Variants in PDE1A observed in about 807,000 individuals in gnomAD.
The protein encoded by PDE1A is phosphodiesterase 1A, also known as dual specificity calcium/calmodulin-dependent 3',5'-cyclic nucleotide phosphodiesterase 1A.
A neutral mutation model predicts 61.7 loss-of-function variants in PDE1A; 35 were observed. The observed-to-expected ratio is 0.57, with a 90% confidence interval of 0.43 to 0.75. The LOEUF (loss-of-function observed/expected upper bound fraction) is 0.75, where lower values mean the gene tolerates loss of function less well. Among genes scored for constraint, PDE1A ranks in the 30% least tolerant of loss-of-function variants. PDE1A has a pLI of 0.00. For synonymous variants in PDE1A, 232 were observed against 213.2 expected (o/e 1.09, Z -0.77); for missense variants, 597 against 630.6 (o/e 0.95, Z 0.57).
At chr2:182,571,505 A>G in the PDE1A span, among the ~76,000 whole-genome samples, 1 of 152,094 alleles carries the variant, frequency 6.6e-6, no homozygotes, top group African/African-American at 2.4e-5. Flanking sequence ...GTCATGAATT[A>G]TAAGGAAGCT....
the PDE1A span, among the ~76,000 whole-genome samples, chr2:182,606,392 C>A: frequency 6.6e-6 from 1 of 152,198 alleles, no homozygotes; most frequent in African/African-American, 2.4e-5. Context: ...GTTGGCCAGG[C>A]TGTTCTCGAA....
At chr2:182,299,717 T>C (rs546067937) in intron 1 of PDE1A, among the ~76,000 whole-genome samples, 15 of 152,040 alleles carry the variant, frequency 9.9e-5, no homozygotes, top group African/African-American at 1.4e-4. Context: ...GCTGAAATGA[T>C]AAATTTTTTT....
chr2:182,566,496 TAATATA>T, the PDE1A span, among the ~76,000 whole-genome samples: 1 of 151,160 alleles, frequency 6.6e-6, no homozygotes, highest in East Asian at 1.9e-4. Context: ...ATGCTATGCA[TAATATA>T]AATTATATAA....
chr2:182,454,665 G>C (rs930120750), intron 2 of PDE1A, among the ~76,000 whole-genome samples: 2 of 151,552 alleles, frequency 1.3e-5, no homozygotes, highest in African/African-American at 2.4e-5. Context: ...ACAAGCAATG[G>C]GGAAAGGATT....
intron 1 of PDE1A, among the ~76,000 whole-genome samples, chr2:182,315,975 C>G (rs1696315146): frequency 6.6e-6 from 1 of 152,166 alleles, no homozygotes; most frequent in Non-Finnish European, 1.5e-5. Context: ...AGTGGCTTTA[C>G]AAGCAATAAA....
At chr2:182,322,022 G>C (rs1696727465) in intron 1 of PDE1A, among the ~76,000 whole-genome samples, 1 of 152,118 alleles carries the variant, frequency 6.6e-6, no homozygotes, top group Non-Finnish European at 1.5e-5. Flanking sequence ...GTGGTGTTCT[G>C]TCCCTAATCG....
chr2:182,461,525 C>G (rs1382227511), intron 2 of PDE1A, among the ~76,000 whole-genome samples: 1 of 152,030 alleles, frequency 6.6e-6, no homozygotes. Flanking sequence ...CAAAATATCC[C>G]ATCATTATTA....
the PDE1A span, among the ~76,000 whole-genome samples, chr2:182,576,166 C>G: frequency 6.6e-6 from 1 of 151,952 alleles, no homozygotes; most frequent in Non-Finnish European, 1.5e-5. Flanking sequence ...GTCTACAGAA[C>G]TCTTTTCATC....
chr2:182,217,507 G>T (rs1368767392), intron 7 of PDE1A, among the ~76,000 whole-genome samples: 2 of 125,246 alleles, frequency 1.6e-5, no homozygotes, highest in Admixed American at 8.0e-5. Flanking sequence ...GAAAATTTTC[G>T]CAACCTACTC....
In PDE1A at chr2:182,265,001, C is replaced by T. The variant is rs532819498; in HGVS notation, c.54-587G>A. On this transcript the variant is annotated intron_variant, in intron 1 of 13. Transcript: ENST00000351439. Reference sequence around the variant, plus strand: ...GGCCATTATTCTAAGTTAGGTGACTCAGGAATGGAAAGCCAAATATAGTAT... The same window carrying T: ...GGCCATTATTCTAAGTTAGGTGACTTAGGAATGGAAAGCCAAATATAGTAT... Among the ~76,000 whole-genome samples, 360 of 150,930 alleles carry T rather than the reference C, an allele frequency of 2.4e-3. 1 individual carries two copies. The highest frequency in any genetic ancestry group is 8.5e-3 in the African/African-American group (349 of 41,106).
the PDE1A span, among the ~76,000 whole-genome samples, chr2:182,608,800 G>C: frequency 6.6e-6 from 1 of 152,254 alleles, no homozygotes; most frequent in Non-Finnish European, 1.5e-5. Flanking sequence ...GCGCGGGACT[G>C]GCAGGCAGCT....
intron 1 of PDE1A, among the ~76,000 whole-genome samples, chr2:182,307,711 C>CA (rs542352164): frequency 0.011 from 1,646 of 150,868 alleles, 26 homozygotes; most frequent in South Asian, 0.074. Flanking sequence ...CCATCTCTAC[C>CA]AAAAAAAAAT....
rs907179460 is a variant in PDE1A at position 182,186,009 on chromosome 2, C to T, written c.1399G>A (p.Asp467Asn). The change falls in exon 13 of 14, where the codon GAT becomes AAT. Residue 467 changes from aspartate to asparagine, a missense_variant. By Grantham distance (23) the Asp-to-Asn change is conservative (BLOSUM62 1). Coordinates refer to ENST00000351439, the Ensembl canonical transcript of PDE1A. The stretch of plus-strand genomic sequence containing the variant: ...GAGTAGTCTGGGGAATAGGACCCAT[C>T]ACTCATGGAGCCTTTTGTATTTGAT... 6.2e-6 allele frequency: 10 copies of T among 1,613,896 alleles called. No individual in the cohort carries two copies. Among genetic ancestry groups the T allele is most frequent in the Non-Finnish European group, 8.5e-6 (10 of 1,179,918 alleles).
upstream of PDE1A, among the ~76,000 whole-genome samples, chr2:182,525,031 ATTCTT>A (rs1690756053): frequency 6.6e-6 from 1 of 151,958 alleles, no homozygotes; most frequent in Non-Finnish European, 1.5e-5. Flanking sequence ...TTGAATCCTT[ATTCTT>A]TCACTGAAAG....
At chr2:182,332,601 T>C (rs543340820) in intron 1 of PDE1A, among the ~76,000 whole-genome samples, 1 of 152,300 alleles carries the variant, frequency 6.6e-6, no homozygotes, top group African/African-American at 2.4e-5. Context: ...TTGTTCATTT[T>C]CCCGCTGCAG....
chr2:182,353,108 AT>A (rs1346107241), intron 1 of PDE1A, among the ~76,000 whole-genome samples: 1 of 152,198 alleles, frequency 6.6e-6, no homozygotes, highest in African/African-American at 2.4e-5. Context: ...TCACGTATGG[AT>A]TTTACAGCTG....
chr2:182,425,449 G>T (rs1431809183), intron 1 of PDE1A, among the ~76,000 whole-genome samples: 3 of 151,716 alleles, frequency 2.0e-5, no homozygotes, highest in East Asian at 3.9e-4. Flanking sequence ...AAGTAGAGGG[G>T]GATAGTAATA....
intron 2 of PDE1A, among the ~76,000 whole-genome samples, chr2:182,462,020 G>A (rs532505548): frequency 6.6e-6 from 1 of 152,056 alleles, no homozygotes; most frequent in African/African-American, 2.4e-5. Flanking sequence ...ATTAAACCAA[G>A]GGGGCTCATT....
intron 2 of PDE1A, among the ~76,000 whole-genome samples, chr2:182,477,443 T>C (rs746291836): frequency 1.1e-4 from 17 of 151,880 alleles, no homozygotes; most frequent in Non-Finnish European, 2.2e-4. Flanking sequence ...AATGAAGAAA[T>C]TGAGGCTCAG....
Sources: allele counts gnomAD v4.1 joint callset (sites outside exome capture counted in the v4.1 genomes callset), GRCh38; gene constraint gnomAD v4.1.1; transcripts MANE v1.5; gene names NCBI Gene and HGNC (gene_info 2026-07-23, HGNC 2026-07-21).